The following CPN1 variants were observed in gnomAD, a reference collection of about 807,000 sequenced individuals.
CPN1 encodes the protein carboxypeptidase N catalytic chain.
Under a neutral mutation model 46.4 loss-of-function variants are expected in CPN1, and 37 were observed. The observed-to-expected ratio is 0.80, with a 90% CI of 0.61 to 1.05. The LOEUF (loss-of-function observed/expected upper bound fraction) is 1.05, where lower values mean the gene tolerates loss of function less well. Ranked by LOEUF, CPN1 falls within the 50% of genes least tolerant of loss-of-function variation. CPN1 has a pLI of 0.00. For missense variants in CPN1, 563 were observed against 602.6 expected, an observed-to-expected ratio of 0.93 and a Z score of 0.69; for synonymous variants, 224 against 235.4, an observed-to-expected ratio of 0.95 and a Z score of 0.44.
At chr10:100,069,505 G>T (rs2041472601) in intron 3 of CPN1, among the ~76,000 whole-genome samples, 1 of 151,622 alleles carries the variant, frequency 6.6e-6, no homozygotes, top group African/African-American at 2.4e-5. Context: ...ATCACTTAGT[G>T]TGTGCTCCAT....
chr10:100,048,235 G>A, intron 8 of CPN1, among the ~76,000 whole-genome samples: 1 of 152,156 alleles, frequency 6.6e-6, no homozygotes, highest in Non-Finnish European at 1.5e-5. Flanking sequence ...ACTAGACAGT[G>A]CTTTAAATCA....
At chr10:100,079,017 C>T (rs758902540) in intron 1 of CPN1, among the ~76,000 whole-genome samples, 2 of 152,230 alleles carry the variant, frequency 1.3e-5, no homozygotes, top group Non-Finnish European at 2.9e-5. Context: ...GTCATCTTTT[C>T]CTCCTCAATA....
intron 6 of CPN1, among the ~76,000 whole-genome samples, chr10:100,056,389 G>A (rs2041384533): frequency 6.6e-6 from 1 of 152,044 alleles, no homozygotes; most frequent in Admixed American, 6.6e-5. Flanking sequence ...CACCTCCTCT[G>A]TAAGACTTTC....
At chr10:100,078,865 G>T (rs1308687825) in intron 1 of CPN1, among the ~76,000 whole-genome samples, 2 of 152,170 alleles carry the variant, frequency 1.3e-5, no homozygotes, top group Non-Finnish European at 2.9e-5. Context: ...ATCTCCTGTT[G>T]CCTGGTGTCC....
At chr10:100,052,476 C>A (rs1238257392) in intron 7 of CPN1, among the ~76,000 whole-genome samples, 1 of 152,064 alleles carries the variant, frequency 6.6e-6, no homozygotes, top group African/African-American at 2.4e-5. Context: ...CTGAGCCTCC[C>A]AAACTGTTGA....
Position 100,069,758 on chromosome 10 carries a change from C to T in CPN1, c.532G>A (p.Gly178Ser). ...GGAAGGGGCAGGTGGTGGTTGGGGC[C>T]TCCGTACTTCTCGTTATAGTAGATA... Reference protein sequence around the residue: ...TYIYYNEKYGGPNHHLPLPDN... With the variant: ...TYIYYNEKYGSPNHHLPLPDN... The change falls in exon 3 of 9, where the codon GGC (glycine) becomes AGC (serine). Residue 178 changes from glycine (G) to serine (S), a missense_variant. Coordinates refer to ENST00000370418, the MANE Select transcript of CPN1 (RefSeq NM_001308.3). 2 of 1,613,772 alleles carry T rather than the reference C, an allele frequency of 1.2e-6. No homozygotes were observed. Among genetic ancestry groups the T allele is most frequent in the Non-Finnish European group, 1.7e-6 (2 of 1,179,956 alleles).
chr10:100,044,713 CT>C lies in CPN1; in HGVS notation c.1231-2141del, dbSNP rs1326776621. 9.0e-3 allele frequency among the ~76,000 whole-genome samples: 1,230 copies of C among 136,192 alleles called. 2 individuals are homozygous for C. The highest frequency in any genetic ancestry group is 0.012 in the Non-Finnish European group (744 of 62,318). 89.3% of individuals were successfully genotyped at this position (136,192 alleles called of 152,430 possible). ...AGCTGGAAACTCTGTAGTAAACAAT[CT>C]TTTTTTTTTTTTTTGAGATGGAGTC... On this transcript the variant is annotated intron_variant, in intron 8 of 8. Transcript: ENST00000370418.
chr10:100,065,215 G>C lies in CPN1; in HGVS notation c.732C>G (p.Pro244=), dbSNP rs139499188. Reference sequence around the variant, plus strand: ...TCTGGAAGAGCTTGTCGTCAGGCGTGGGGGTGCTGGCGGTGCGGCGGACCC... The same window carrying C: ...TCTGGAAGAGCTTGTCGTCAGGCGTCGGGGTGCTGGCGGTGCGGCGGACCC... ...VRGVRRTAST[P]TPDDKLFQKL... The change falls in exon 4 of 9, where the codon CCC becomes CCG. Residue 244 remains proline, a synonymous_variant. Coordinates refer to ENST00000370418, the MANE Select transcript of CPN1 (RefSeq NM_001308.3). The C allele has an allele frequency of 6.2e-7, 1 of 1,613,980 alleles. No homozygotes were observed. The highest frequency in any genetic ancestry group is 8.5e-7 in the Non-Finnish European group (1 of 1,179,882).
chr10:100,078,025 C>T (rs12245466), intron 1 of CPN1, among the ~76,000 whole-genome samples: 9,972 of 152,006 alleles, frequency 0.066, 1,038 homozygotes, highest in African/African-American at 0.23. Flanking sequence ...ATTCTTTTGG[C>T]TCTCCTTTTT....
intron 1 of CPN1, among the ~76,000 whole-genome samples, chr10:100,078,091 G>A (rs1214923594): frequency 6.6e-6 from 1 of 151,674 alleles, no homozygotes; most frequent in Non-Finnish European, 1.5e-5. Context: ...AGTCATTCAT[G>A]CTGGAGTGCA....
At chr10:100,062,108 C>T (rs531879517) in intron 5 of CPN1, among the ~76,000 whole-genome samples, 1 of 152,330 alleles carries the variant, frequency 6.6e-6, no homozygotes, top group South Asian at 2.1e-4. Flanking sequence ...CAGCCACCAA[C>T]TCAGTTCTCA....
At position 100,055,356 on chromosome 10, in the gene CPN1, C is replaced by A. The variant is rs141552874; in HGVS notation, c.1012-910G>T. On this transcript the variant is annotated intron_variant, in intron 6 of 8. Coordinates refer to ENST00000370418, the MANE Select transcript of CPN1 (RefSeq NM_001308.3). ...AACAATGATTCTCCATTATCCCCCC[C>A]CCCAGCCCCTGGCAACCACCATTTT... Among the ~76,000 whole-genome samples, 36 of 151,826 alleles carry A rather than the reference C, an allele frequency of 2.4e-4. No homozygotes were observed. In the South Asian group the frequency reaches 5.0e-3, roughly 21 times the overall value.
chr10:100,052,910 T>C (rs960750491), intron 7 of CPN1, among the ~76,000 whole-genome samples: 1 of 151,928 alleles, frequency 6.6e-6, no homozygotes, highest in African/African-American at 2.4e-5. Flanking sequence ...GGCAGAAGAA[T>C]TGCTTGAGTT....
At position 100,050,701 on chromosome 10, in the gene CPN1, T is replaced by C. The variant is rs202015687; in HGVS notation, c.1112-1825A>G. On this transcript the variant is annotated intron_variant, in intron 7 of 8. Coordinates refer to ENST00000370418, the MANE Select transcript of CPN1 (RefSeq NM_001308.3). ...GTGCAGTGGTGCTATCATAGCTCAC[T>C]GCAACCTTGAACTCCCAGACTCAAG... 9.8e-5 allele frequency among the ~76,000 whole-genome samples: 15 copies of C among 152,340 alleles called. No individual in the cohort carries two copies. The East Asian group carries it at 1.9e-3, about 20-fold the overall frequency.
At chr10:100,069,118 T>C (rs1366047550) in intron 3 of CPN1, among the ~76,000 whole-genome samples, 1 of 152,210 alleles carries the variant, frequency 6.6e-6, no homozygotes, top group Admixed American at 6.5e-5. Context: ...TGTGAAATAA[T>C]TCTGGAAAAT....
At chr10:100,046,035 C>A (rs1589469172) in intron 8 of CPN1, among the ~76,000 whole-genome samples, 3 of 152,286 alleles carry the variant, frequency 2.0e-5, no homozygotes, top group African/African-American at 2.4e-5. Flanking sequence ...GCTCTGAGAT[C>A]TTAATACAAC....
intron 4 of CPN1, 71 bp from the exon 5 acceptor site, chr10:100,063,796 T>G: frequency 4.3e-6 from 5 of 1,167,086 alleles, no homozygotes; most frequent in Non-Finnish European, 6.5e-6. Flanking sequence ...TACTCACAAC[T>G]AGGTTGAAGC....
At chr10:100,061,628 C>CA (rs2041418860) in intron 5 of CPN1, among the ~76,000 whole-genome samples, 1 of 152,020 alleles carries the variant, frequency 6.6e-6, no homozygotes, top group Admixed American at 6.6e-5. Flanking sequence ...GGAATTGTAC[C>CA]AGCTTAATTT....
chr10:100,065,121 T>TA, intron 4 of CPN1, 67 bp downstream of exon 4: 1 of 1,561,306 alleles, frequency 6.4e-7, no homozygotes, highest in African/African-American at 1.4e-5. Context: ...GGTTCTGTGT[T>TA]ACTGACCTTA....
Sources: gnomAD v4.1 joint callset for allele counts (sites outside exome capture counted in the v4.1 genomes callset) on GRCh38, gnomAD v4.1.1 for gene constraint, MANE v1.5 for transcripts, NCBI Gene and HGNC (gene_info 2026-07-23, HGNC 2026-07-21) for gene names.